Variants in CLSTN2 observed in about 807,000 individuals in gnomAD.
CLSTN2 encodes calsyntenin-2.
A neutral mutation model predicts 101.2 loss-of-function variants in CLSTN2; 48 were observed. The ratio of observed to expected loss-of-function variants is 0.47; its 90% CI spans 0.38 to 0.60. The LOEUF (loss-of-function observed/expected upper bound fraction) is 0.60, where lower values mean the gene tolerates loss of function less well. Ranked by LOEUF, CLSTN2 falls within the 20% of genes least tolerant of loss-of-function variation. CLSTN2 has a pLI of 0.00. For missense variants in CLSTN2, 1,160 were observed against 1,238.2 expected (o/e 0.94, Z 0.95); for synonymous variants, 481 against 463.6 (o/e 1.04, Z -0.48).
Position 140,101,469 on chromosome 3 carries a change from C to T in CLSTN2, c.110-74482C>T, listed in dbSNP as rs193076938. On this transcript the variant is annotated intron_variant, in intron 1 of 16. Coordinates refer to ENST00000458420, the MANE Select transcript of CLSTN2 (RefSeq NM_022131.3). ...CTGAAGTCGCTCCCAGGTTGGGCAA[C>T]TCTTATATGCCTCTTTCTCATGGTT... is the stretch of plus-strand genomic sequence containing the variant. Among the ~76,000 whole-genome samples, 506 of 152,324 alleles carry T rather than the reference C, an allele frequency of 3.3e-3. 2 individuals carry two copies. Among genetic ancestry groups the T allele is most frequent in the South Asian group, 0.022 (106 of 4,816 alleles).
intron 2 of CLSTN2, among the ~76,000 whole-genome samples, chr3:140,354,232 G>A (rs1251559221): frequency 6.6e-6 from 1 of 152,184 alleles, no homozygotes; most frequent in Non-Finnish European, 1.5e-5. Context: ...GTTACCCAGA[G>A]TTGCATGGAT....
At chr3:140,223,655 C>T (rs1183412364) in intron 2 of CLSTN2, among the ~76,000 whole-genome samples, 1 of 152,178 alleles carries the variant, frequency 6.6e-6, no homozygotes, top group Non-Finnish European at 1.5e-5. Context: ...ATGCTGAGAG[C>T]TTCTGATACT....
intron 2 of CLSTN2, among the ~76,000 whole-genome samples, chr3:140,266,350 C>G (rs989630159): frequency 5.9e-5 from 9 of 152,090 alleles, no homozygotes; most frequent in African/African-American, 2.2e-4. Flanking sequence ...TCCAAAACAA[C>G]AAAAGAAAAC....
intron 1 of CLSTN2, among the ~76,000 whole-genome samples, chr3:139,999,232 G>A (rs531656882): frequency 3.9e-4 from 59 of 152,204 alleles, no homozygotes; most frequent in Non-Finnish European, 7.3e-4. Flanking sequence ...TGTTACATGG[G>A]AATATTGTGT....
chr3:140,107,215 C>T (rs2009074801), intron 1 of CLSTN2, among the ~76,000 whole-genome samples: 1 of 152,142 alleles, frequency 6.6e-6, no homozygotes, highest in Non-Finnish European at 1.5e-5. Context: ...CACATCCTGT[C>T]CTGGCTCCCC....
At chr3:139,957,205 C>T (rs1935420957) in intron 1 of CLSTN2, among the ~76,000 whole-genome samples, 1 of 152,046 alleles carries the variant, frequency 6.6e-6, no homozygotes, top group South Asian at 2.1e-4. Context: ...GAGATGAGCT[C>T]TCCAGCCTCA....
At chr3:140,340,756 C>A (rs936341561) in intron 2 of CLSTN2, among the ~76,000 whole-genome samples, 1 of 152,166 alleles carries the variant, frequency 6.6e-6, no homozygotes, top group African/African-American at 2.4e-5. Context: ...TTTTTCTGAT[C>A]CAGGGCCTCA....
intron 2 of CLSTN2, among the ~76,000 whole-genome samples, chr3:140,221,710 T>C (rs2086274957): frequency 6.6e-6 from 1 of 152,054 alleles, no homozygotes; most frequent in Admixed American, 6.6e-5. Context: ...GACACATAAA[T>C]GGTAAACAGG....
intron 2 of CLSTN2, among the ~76,000 whole-genome samples, chr3:140,189,298 G>A (rs554762070): frequency 2.0e-4 from 30 of 152,298 alleles, no homozygotes; most frequent in African/African-American, 7.0e-4. Flanking sequence ...TCATATAGTA[G>A]TTGCCTGTTA....
At chr3:140,382,133 G>T (rs2087992406) in intron 2 of CLSTN2, among the ~76,000 whole-genome samples, 1 of 152,032 alleles carries the variant, frequency 6.6e-6, no homozygotes, top group Non-Finnish European at 1.5e-5. Context: ...ATTATTTTTT[G>T]CTTACCCATT....
chr3:140,380,755 A>G (rs1194940017), intron 2 of CLSTN2, among the ~76,000 whole-genome samples: 1 of 152,208 alleles, frequency 6.6e-6, no homozygotes. Flanking sequence ...CTTTTCTCAC[A>G]GAGACCGTGA....
chr3:140,502,211 G>T (rs1427200306), intron 8 of CLSTN2, among the ~76,000 whole-genome samples: 1 of 152,170 alleles, frequency 6.6e-6, no homozygotes, highest in Non-Finnish European at 1.5e-5. Context: ...AGACTCAGAA[G>T]GGCACATCTT....
chr3:140,218,064 A>G (rs985638416), intron 2 of CLSTN2, among the ~76,000 whole-genome samples: 5 of 152,226 alleles, frequency 3.3e-5, no homozygotes, highest in African/African-American at 4.8e-5. Context: ...AGAATTTATC[A>G]AAAGGATGGA....
intron 2 of CLSTN2, among the ~76,000 whole-genome samples, chr3:140,193,038 G>A (rs1405334859): frequency 1.3e-5 from 2 of 151,602 alleles, no homozygotes; most frequent in African/African-American, 2.4e-5. Context: ...AAAGATGTAT[G>A]GGAATATCTC....
chr3:140,560,143 A>G (rs540185627), intron 12 of CLSTN2, among the ~76,000 whole-genome samples: 1 of 152,244 alleles, frequency 6.6e-6, no homozygotes, highest in Non-Finnish European at 1.5e-5. Flanking sequence ...GGCAGAGCAC[A>G]TAGCCAAGTG....
rs1320516326 is a variant in CLSTN2, at chr3:140,569,493, C to T, written c.*3240C>T. The T allele has an allele frequency of 6.6e-6, 1 of 152,194 alleles. No homozygotes were observed. The highest frequency in any genetic ancestry group is 1.5e-5 in the Non-Finnish European group (1 of 68,048). The allele number at this position is 152,194 out of a possible 1,614,324, so 9.4% of individuals were successfully genotyped here. A position where few individuals can be genotyped will look rare whatever the true frequency, so the allele number is the denominator to read the frequency against. Reference sequence around the variant, plus strand: ...GGAGAAGATTGAAATGCTTAAATCCCAGTGCAGAATGAGTTGCTTCAGTGG... The same window carrying T: ...GGAGAAGATTGAAATGCTTAAATCCTAGTGCAGAATGAGTTGCTTCAGTGG... On this transcript the variant is annotated 3_prime_UTR_variant, in exon 17 of 17. Coordinates refer to ENST00000458420, the MANE Select transcript of CLSTN2 (RefSeq NM_022131.3).
chr3:140,219,572 A>C (rs950540530), intron 2 of CLSTN2, among the ~76,000 whole-genome samples: 2 of 152,122 alleles, frequency 1.3e-5, no homozygotes, highest in Non-Finnish European at 2.9e-5. Flanking sequence ...ATTCGGAGCG[A>C]GTGTATCTTG....
chr3:140,016,316 G>C (rs537606837), intron 1 of CLSTN2, among the ~76,000 whole-genome samples: 5 of 152,274 alleles, frequency 3.3e-5, no homozygotes, highest in South Asian at 2.1e-4. Context: ...AAGACCTATG[G>C]AGTGGTTATA....
At chr3:140,512,421 G>A (rs1014674250) in intron 8 of CLSTN2, among the ~76,000 whole-genome samples, 4 of 152,098 alleles carry the variant, frequency 2.6e-5, no homozygotes, top group African/African-American at 4.8e-5. Context: ...AAGATCAGAC[G>A]GTTGTAGGTG....
Sources: allele counts gnomAD v4.1 joint callset (sites outside exome capture counted in the v4.1 genomes callset), GRCh38; gene constraint gnomAD v4.1.1; transcripts MANE v1.5; gene names NCBI Gene and HGNC (gene_info 2026-07-23, HGNC 2026-07-21).